IPO5: variants seen among roughly 807,000 people sequenced by gnomAD.
IPO5 encodes importin-5.
IPO5 carries 18 observed loss-of-function variants against 143.3 expected under a neutral mutation model. That is an observed-to-expected ratio of 0.13 (90% CI 0.09 to 0.19). IPO5 has a LOEUF of 0.19. Ranked by LOEUF, IPO5 falls within the 10% of genes least tolerant of loss-of-function variation. The pLI, the probability that IPO5 is intolerant of heterozygous loss-of-function variation, is 1.00. For missense variants in IPO5, 1,013 were observed against 1,336.9 expected (o/e 0.76, Z 3.78); for synonymous variants, 477 against 465.7 (o/e 1.02, Z -0.31).
intron 16 of IPO5, among the ~76,000 whole-genome samples, chr13:98,005,046 C>T (rs1373729059): frequency 6.6e-6 from 1 of 151,968 alleles, no homozygotes; most frequent in East Asian, 1.9e-4. Flanking sequence ...CAGACGTGCA[C>T]CCACCACACC....
intron 2 of IPO5, among the ~76,000 whole-genome samples, chr13:97,966,591 C>T (rs926197198): frequency 2.6e-5 from 4 of 152,080 alleles, no homozygotes; most frequent in Non-Finnish European, 5.9e-5. Flanking sequence ...GGCAGCAGGG[C>T]ACAACTGGCC....
chr13:97,989,787 G>C (rs1887671468), intron 7 of IPO5, among the ~76,000 whole-genome samples: 1 of 152,162 alleles, frequency 6.6e-6, no homozygotes, highest in Non-Finnish European at 1.5e-5. Flanking sequence ...TGGCCGGAGA[G>C]CATAGTTCTT....
chr13:97,968,740 G>C (rs1288332995), intron 2 of IPO5, among the ~76,000 whole-genome samples: 1 of 152,058 alleles, frequency 6.6e-6, no homozygotes, highest in African/African-American at 2.4e-5. Flanking sequence ...ACCCAGGCTG[G>C]AGTGCAGTGG....
intron 3 of IPO5, among the ~76,000 whole-genome samples, chr13:97,972,733 C>T (rs1033820354): frequency 1.3e-5 from 2 of 152,148 alleles, no homozygotes; most frequent in East Asian, 1.9e-4. Context: ...GCAGCGAATA[C>T]GGAGTAAGCA....
chr13:97,980,773 G>A (rs937258051), intron 4 of IPO5, among the ~76,000 whole-genome samples: 5 of 150,386 alleles, frequency 3.3e-5, no homozygotes, highest in African/African-American at 1.2e-4. Flanking sequence ...GTTGCAGTGA[G>A]CCGAGATCGC....
At chr13:97,995,312 C>G (rs1363768883) in intron 11 of IPO5, among the ~76,000 whole-genome samples, 3 of 151,658 alleles carry the variant, frequency 2.0e-5, no homozygotes, top group Non-Finnish European at 4.4e-5. Flanking sequence ...TCTTTTATCC[C>G]TCACTCCCCT....
At chr13:97,972,755 T>C (rs1231785508) in intron 3 of IPO5, among the ~76,000 whole-genome samples, 1 of 152,208 alleles carries the variant, frequency 6.6e-6, no homozygotes, top group Non-Finnish European at 1.5e-5. Flanking sequence ...AACTCAAAGT[T>C]TTCTATCCTT....
At chr13:97,977,944 G>A (rs1886519645) in intron 4 of IPO5, among the ~76,000 whole-genome samples, 2 of 152,158 alleles carry the variant, frequency 1.3e-5, no homozygotes, top group African/African-American at 4.8e-5. Flanking sequence ...TCTGAACTCA[G>A]GCCTGAAGAC....
intron 4 of IPO5, among the ~76,000 whole-genome samples, chr13:97,978,218 A>G (rs1215313640): frequency 1.3e-5 from 2 of 152,216 alleles, no homozygotes; most frequent in Admixed American, 6.5e-5. Context: ...ATCTTCGCTG[A>G]AAATTTAACA....
In IPO5 at chr13:97,993,297, G is replaced by A. The variant is rs544370905; in HGVS notation, c.913+72G>A. On this transcript the variant is annotated intron_variant, in intron 11 of 28. Coordinates refer to ENST00000651721, the MANE Select transcript of IPO5 (RefSeq NM_002271.6). ...TTTGGATAAATTTGCTGAGGGTTGT[G>A]TGATTTCTCAGATTGTTGAGAATAT... The A allele has an allele frequency of 6.2e-5, 79 of 1,277,818 alleles. 1 individual carries two copies. In the South Asian group the frequency reaches 8.7e-4, roughly 14 times the overall value. The allele number at this position is 1,277,818 out of a possible 1,614,324, so 79.2% of individuals were successfully genotyped here. A position where few individuals can be genotyped will look rare whatever the true frequency, so the allele number is the denominator to read the frequency against.
chr13:97,955,321 G>A (rs1884384781), intron 2 of IPO5, among the ~76,000 whole-genome samples: 1 of 152,010 alleles, frequency 6.6e-6, no homozygotes, highest in Non-Finnish European at 1.5e-5. Context: ...TGTCTTCTCT[G>A]TGCTGAGTTC....
chr13:97,997,457 A>G, intron 11 of IPO5, 74 bp from the exon 12 acceptor site: 2 of 772,822 alleles, frequency 2.6e-6, no homozygotes, highest in Non-Finnish European at 4.1e-6. Flanking sequence ...AAATCTTAAA[A>G]TTCTTGTTTA....
At chr13:97,975,870 G>A (rs1217126452) in intron 3 of IPO5, 2 of 979,906 alleles carry the variant, frequency 2.0e-6, no homozygotes, top group Non-Finnish European at 2.4e-6. Context: ...CCCGGGCTGA[G>A]TAACCCCTCT....
chr13:98,010,780 C>CGTTTTTTTTTTTTTTTTTTT (rs1889639079), intron 20 of IPO5, among the ~76,000 whole-genome samples: 2 of 70,032 alleles, frequency 2.9e-5, no homozygotes, highest in African/African-American at 1.9e-4. Flanking sequence ...AAGGATAATC[C>CGTTTTTTTTTTTTTTTTTTT]TTTTTTTTTT....
intron 2 of IPO5, among the ~76,000 whole-genome samples, chr13:97,967,035 C>CA (rs1885403347): frequency 6.6e-6 from 1 of 151,888 alleles, no homozygotes; most frequent in Admixed American, 6.6e-5. Flanking sequence ...GACTCTGTCT[C>CA]AAAAAATAAT....
intron 13 of IPO5, 58 bp from the exon 14 acceptor site, chr13:98,002,409 C>T: frequency 1.3e-6 from 2 of 1,533,922 alleles, no homozygotes; most frequent in Non-Finnish European, 1.8e-6. Context: ...TCTCCCTCTA[C>T]CAGAATGACA....
intron 9 of IPO5, among the ~76,000 whole-genome samples, chr13:97,991,719 T>A (rs773003469): frequency 1.3e-5 from 2 of 152,200 alleles, no homozygotes; most frequent in Non-Finnish European, 2.9e-5. Context: ...TCTTGATTGA[T>A]ACAGTAGTTA....
chr13:97,969,836 T>C lies in IPO5; in HGVS notation c.-5+6T>C, dbSNP rs553201582. 2.2e-5 allele frequency: 36 copies of C among 1,601,602 alleles called. No homozygotes were observed. The South Asian group carries it at 3.8e-4, about 17-fold the overall frequency. ...GCAACAGAAAACACAATAAGGTAAC[T>C]GATTTCACCTGGGGAAAAGTCACTT... is the stretch of plus-strand genomic sequence containing the variant. On this transcript the variant is annotated splice_donor_region_variant and intron_variant, in intron 3 of 28. Coordinates refer to ENST00000651721, the MANE Select transcript of IPO5 (RefSeq NM_002271.6).
rs1186818466 is a variant in IPO5 at position 98,002,979 on chromosome 13, C to T, written c.1439C>T (p.Pro480Leu). ...TEDCPKSLLI[P>L]YLDNLVKHLH... ...GACTGTCCCAAGTCACTACTTATTCCATACTTGGATAATTTGGTGAAACAT... is the reference window on the plus strand; with the variant it reads ...GACTGTCCCAAGTCACTACTTATTCTATACTTGGATAATTTGGTGAAACAT... The change falls in exon 16 of 29, where the codon CCA (proline) becomes CTA (leucine). Residue 480 changes from proline to leucine, a missense_variant. Physicochemically the swap from Pro to Leu is moderately conservative, Grantham distance 98. Coordinates refer to ENST00000651721, the MANE Select transcript of IPO5 (RefSeq NM_002271.6). 1.2e-6 allele frequency: 2 copies of T among 1,613,652 alleles called. No homozygotes were observed. The highest frequency in any genetic ancestry group is 3.3e-5 in the Admixed American group (2 of 59,978).
Sources: allele counts gnomAD v4.1 joint callset (sites outside exome capture counted in the v4.1 genomes callset), GRCh38; gene constraint gnomAD v4.1.1; transcripts MANE v1.5; gene names NCBI Gene and HGNC (gene_info 2026-07-23, HGNC 2026-07-21).